Variants in ELMO1 observed in about 807,000 individuals in gnomAD.
ELMO1 encodes engulfment and cell motility protein 1.
In ELMO1, 26 loss-of-function variants were observed where a neutral mutation model predicts 98.9. The observed-to-expected ratio is 0.26, with a 90% CI of 0.19 to 0.36. The LOEUF is 0.36. Ranked by LOEUF, ELMO1 falls within the 10% of genes least tolerant of loss-of-function variation. The pLI is 1.00. For synonymous variants in ELMO1, 346 were observed against 346.0 expected, an observed-to-expected ratio of 1.00 and a Z score of 0.00; for missense variants, 627 against 935.2, an observed-to-expected ratio of 0.67 and a Z score of 4.30.
intron 13 of ELMO1, among the ~76,000 whole-genome samples, chr7:37,186,093 C>T (rs1476495323): frequency 2.6e-5 from 4 of 152,096 alleles, no homozygotes; most frequent in East Asian, 3.8e-4. Context: ...ATCAAGACAG[C>T]GTGGACTTGA....
intron 16 of ELMO1, among the ~76,000 whole-genome samples, chr7:36,916,129 C>G (rs1784673046): frequency 6.6e-6 from 1 of 152,172 alleles, no homozygotes; most frequent in Admixed American, 6.6e-5. Context: ...ACCTGGATGA[C>G]CAGACCAGAA....
intron 6 of ELMO1, among the ~76,000 whole-genome samples, chr7:37,258,473 G>T (rs11973854): frequency 1.3e-5 from 2 of 151,916 alleles, no homozygotes; most frequent in South Asian, 2.1e-4. Flanking sequence ...GAGAGATAAT[G>T]GGTCCGCCCT....
chr7:36,902,323 C>T (rs962796911), intron 16 of ELMO1, among the ~76,000 whole-genome samples: 32 of 152,246 alleles, frequency 2.1e-4, no homozygotes, highest in African/African-American at 7.5e-4. Context: ...TCATTAACTT[C>T]TCCTGCCTCT....
intron 7 of ELMO1, among the ~76,000 whole-genome samples, chr7:37,237,897 T>A (rs989366501): frequency 6.6e-6 from 1 of 152,220 alleles, no homozygotes; most frequent in African/African-American, 2.4e-5. Flanking sequence ...ACTACATTGA[T>A]CTGTTTATCT....
intron 18 of ELMO1, among the ~76,000 whole-genome samples, chr7:36,885,448 G>T (rs1804889807): frequency 6.6e-6 from 1 of 152,182 alleles, no homozygotes; most frequent in African/African-American, 2.4e-5. Flanking sequence ...TGACGCAGTA[G>T]ACTAGAAGGT....
chr7:37,164,414 T>G lies in ELMO1; in HGVS notation c.1087-31180A>C, dbSNP rs546144312. Reference sequence around the variant, plus strand: ...GTTTTAGACATGAAGTCCTTGCCCATGCCTATGTCCTGAATAGTAATGCCT... The same window carrying G: ...GTTTTAGACATGAAGTCCTTGCCCAGGCCTATGTCCTGAATAGTAATGCCT... On this transcript the variant is annotated intron_variant, in intron 13 of 21. Coordinates refer to ENST00000310758, the MANE Select transcript of ELMO1 (RefSeq NM_014800.11). Among the ~76,000 whole-genome samples the G allele has an allele frequency of 5.1e-4, 77 of 152,308 alleles. 2 individuals are homozygous for G. The South Asian group carries it at 0.016, about 31-fold the overall frequency.
chr7:37,195,204 A>G (rs1283747175), intron 13 of ELMO1, among the ~76,000 whole-genome samples: 1 of 152,224 alleles, frequency 6.6e-6, no homozygotes, highest in African/African-American at 2.4e-5. Flanking sequence ...GAGAGAGAAC[A>G]GCACACATGA....
At chr7:37,380,212 C>T (rs773229882) in intron 1 of ELMO1, among the ~76,000 whole-genome samples, 1 of 152,194 alleles carries the variant, frequency 6.6e-6, no homozygotes, top group Admixed American at 6.5e-5. Context: ...TAATAAAGCT[C>T]TCCTTTCTAC....
intron 1 of ELMO1, chr7:37,375,400 C>T (rs980100461): frequency 1.7e-6 from 1 of 596,682 alleles, no homozygotes; most frequent in East Asian, 2.8e-5. Context: ...AGAATTCAGG[C>T]CCCTCCCATA....
At chr7:36,895,587 T>TA (rs1805929016) in intron 16 of ELMO1, among the ~76,000 whole-genome samples, 1 of 152,058 alleles carries the variant, frequency 6.6e-6, no homozygotes, top group Non-Finnish European at 1.5e-5. Flanking sequence ...AGCCTGGCAC[T>TA]AAAAAAAGAG....
intron 1 of ELMO1, chr7:37,353,363 G>C (rs1010312954): frequency 2.0e-5 from 3 of 152,588 alleles, no homozygotes; most frequent in African/African-American, 7.3e-5. Flanking sequence ...GTTTCTTCTG[G>C]GGGGTTCGTG....
At chr7:37,013,212 T>C (rs115332318) in intron 16 of ELMO1, 87 bp downstream of exon 16, 53 of 1,509,292 alleles carry the variant, frequency 3.5e-5, no homozygotes, top group Admixed American at 8.4e-5. Context: ...ACCTTGCCAA[T>C]TGCCTTCTGC....
At chr7:37,412,239 T>C (rs569801831) in intron 1 of ELMO1, among the ~76,000 whole-genome samples, 8 of 152,346 alleles carry the variant, frequency 5.3e-5, no homozygotes, top group African/African-American at 1.9e-4. Context: ...CAGGAAGGAA[T>C]GGATGGGTCC....
At chr7:37,126,389 G>A (rs1229341253) in intron 14 of ELMO1, among the ~76,000 whole-genome samples, 2 of 150,250 alleles carry the variant, frequency 1.3e-5, no homozygotes, top group Non-Finnish European at 3.0e-5. Context: ...CAGAGAAAAG[G>A]GGTCAGGCTT....
chr7:36,877,717 C>A, intron 19 of ELMO1, among the ~76,000 whole-genome samples: 1 of 152,182 alleles, frequency 6.6e-6, no homozygotes, highest in Non-Finnish European at 1.5e-5. Context: ...ATTGTTTTTG[C>A]TCCTTGACAC....
intron 16 of ELMO1, among the ~76,000 whole-genome samples, chr7:36,921,502 C>G (rs1405898604): frequency 6.6e-6 from 1 of 152,180 alleles, no homozygotes; most frequent in East Asian, 1.9e-4. Flanking sequence ...AATGACAACT[C>G]TTATTATGTT....
chr7:37,021,951 G>A (rs963030461), intron 15 of ELMO1, among the ~76,000 whole-genome samples: 1 of 152,006 alleles, frequency 6.6e-6, no homozygotes, highest in African/African-American at 2.4e-5. Context: ...AACAGAATAG[G>A]GAGTCCAGAG....
chr7:37,051,072 C>G (rs1796086851), intron 15 of ELMO1, among the ~76,000 whole-genome samples: 1 of 152,136 alleles, frequency 6.6e-6, no homozygotes, highest in Non-Finnish European at 1.5e-5. Context: ...TGGGTAAATG[C>G]ATAGTAATTG....
chr7:36,868,348 C>CT (rs70977202), intron 20 of ELMO1, among the ~76,000 whole-genome samples: 60,853 of 140,206 alleles, frequency 0.43, 13,724 homozygotes, highest in Non-Finnish European at 0.5. Flanking sequence ...TCTTCTTCTT[C>CT]TTTTTTTTTT....
Sources: gnomAD v4.1 joint callset for allele counts (sites outside exome capture counted in the v4.1 genomes callset) on GRCh38, gnomAD v4.1.1 for gene constraint, MANE v1.5 for transcripts, NCBI Gene and HGNC (gene_info 2026-07-23, HGNC 2026-07-21) for gene names.